Variants in TELO2 observed in about 807,000 individuals in gnomAD.
TELO2 encodes telomere maintenance 2, also known as telomere length regulation protein TEL2 homolog.
TELO2 carries 71 observed loss-of-function variants against 91.0 expected under a neutral mutation model. The observed-to-expected ratio is 0.78, with a 90% CI of 0.64 to 0.95. TELO2 has a LOEUF of 0.95. Among genes scored for constraint, TELO2 ranks in the 40% least tolerant of loss-of-function variants. TELO2 has a pLI of 0.00. For synonymous variants in TELO2, 584 were observed against 518.9 expected, an observed-to-expected ratio of 1.13 and a Z score of -1.71; for missense variants, 1,183 against 1,141.3, an observed-to-expected ratio of 1.04 and a Z score of -0.53.
intron 5 of TELO2, 27 bp from the exon 6 acceptor site, chr16:1,499,204 G>A (rs773172247): frequency 4.3e-6 from 7 of 1,611,750 alleles, no homozygotes; most frequent in South Asian, 3.3e-5. Context: ...CCGGCTTGCA[G>A]CTCTGGCCCC....
intron 15 of TELO2, among the ~76,000 whole-genome samples, chr16:1,504,122 C>A (rs2039799099): frequency 8.8e-6 from 1 of 113,920 alleles, no homozygotes. Context: ...AAGACTCTGT[C>A]TCTTTAAAAA....
At chr16:1,502,866 C>T (rs1396314646) in intron 14 of TELO2, 65 bp from the exon 15 acceptor site, 2 of 1,603,652 alleles carry the variant, frequency 1.2e-6, no homozygotes, top group African/African-American at 1.3e-5. Flanking sequence ...CTGTGAGGTG[C>T]CCGGAGGTCG....
Position 1,495,507 on chromosome 16 carries a change from A to G in TELO2, c.497A>G (p.His166Arg). The G allele has an allele frequency of 6.2e-7, 1 of 1,610,870 alleles. No individual in the cohort carries two copies. The highest frequency in any genetic ancestry group is 1.1e-5 in the South Asian group (1 of 91,074). Reference protein sequence around the residue: ...LLGKVVALPDHLGNRLQQENL... With the variant: ...LLGKVVALPDRLGNRLQQENL... ...GGCAAGGTGGTGGCCCTGCCCGATCACCTGGGCAACCGCCTGCAGCAGGAG... is the reference window on the plus strand; with the variant it reads ...GGCAAGGTGGTGGCCCTGCCCGATCGCCTGGGCAACCGCCTGCAGCAGGAG... Residue 166 changes from histidine (H) to arginine (R), a missense_variant, in exon 3 of 21, where the codon CAC becomes CGC. His to Arg is a conservative substitution (Grantham distance 29). Transcript: ENST00000262319.
intron 15 of TELO2, among the ~76,000 whole-genome samples, chr16:1,504,669 T>G (rs2039824623): frequency 1.4e-5 from 2 of 145,310 alleles, no homozygotes; most frequent in Non-Finnish European, 1.5e-5. Context: ...GCCATTCTCC[T>G]GCCTCAGCCT....
At chr16:1,502,784 C>T in intron 14 of TELO2, 23 bp downstream of exon 14, 3 of 1,608,626 alleles carry the variant, frequency 1.9e-6, no homozygotes, top group Non-Finnish European at 1.7e-6. Flanking sequence ...ACCCGTGGCC[C>T]TGGCCAGTGC....
At chr16:1,501,578 G>A in intron 10 of TELO2, 79 bp downstream of exon 10, 1 of 1,566,204 alleles carries the variant, frequency 6.4e-7, no homozygotes, top group South Asian at 1.2e-5. Flanking sequence ...TGGGAGGGGG[G>A]AAACCCTTTC....
At position 1,493,826 on chromosome 16, in the gene TELO2, ACTGGAGCCACCTCTCACCG is replaced by A. The variant is rs2039384956; in HGVS notation, c.-37+224_-37+242del. ...GTTTCTAAGGGGCGGAGGAATGGCG[ACTGGAGCCACCTCTCACCG>A]CTCAGGGAGCCGGGAGGGCCGGCAG... On this transcript the variant is annotated intron_variant, in intron 1 of 20. Coordinates refer to ENST00000262319, the MANE Select transcript of TELO2 (RefSeq NM_016111.4). This position sits in a 1 kb window ranked among gnomAD's most constrained non-coding sequence, Gnocchi z 4.3. 6.6e-6 allele frequency among the ~76,000 whole-genome samples: 1 copy of A among 152,130 alleles called. No homozygotes were observed. Among genetic ancestry groups the A allele is most frequent in the South Asian group, 2.1e-4 (1 of 4,832 alleles).
chr16:1,510,237 G>A lies in TELO2; in HGVS notation c.*301G>A. On this transcript the variant is annotated 3_prime_UTR_variant, in exon 21 of 21. Coordinates refer to ENST00000262319, the MANE Select transcript of TELO2 (RefSeq NM_016111.4). ...AGGGCAGAACCAGGCTGGCAGGAGG[G>A]GAGGACGGTGTACCTGCTGCTCAGA... 1 of 416,214 alleles carries A rather than the reference G, an allele frequency of 2.4e-6. No individual in the cohort carries two copies. Among genetic ancestry groups the A allele is most frequent in the Non-Finnish European group, 4.5e-6 (1 of 222,492 alleles). 25.8% of individuals were successfully genotyped at this position (416,214 alleles called of 1,614,324 possible).
intron 15 of TELO2, among the ~76,000 whole-genome samples, chr16:1,504,943 G>A (rs539933089): frequency 1.3e-5 from 2 of 152,094 alleles, no homozygotes; most frequent in African/African-American, 2.4e-5. Flanking sequence ...CAGTCGCCCC[G>A]ACCCTCCCAG....
Position 1,493,837 on chromosome 16 carries a change from C to G in TELO2, c.-37+232C>G, listed in dbSNP as rs1198555944. 6.6e-6 allele frequency among the ~76,000 whole-genome samples: 1 copy of G among 152,250 alleles called. No homozygotes were observed. The highest frequency in any genetic ancestry group is 1.5e-5 in the Non-Finnish European group (1 of 68,046). On this transcript the variant is annotated intron_variant, in intron 1 of 20. Transcript: ENST00000262319. The surrounding 1 kb of genome is among the most constrained non-coding windows in gnomAD (Gnocchi z 4.3). ...GCGGAGGAATGGCGACTGGAGCCAC[C>G]TCTCACCGCTCAGGGAGCCGGGAGG...
rs1156868547 is a variant in TELO2 at position 1,506,946 on chromosome 16, C to A, written c.2127-6C>A. ...GCTGCACCTTGGGCTCCATCCTGTGCTCTAGGCCTCTGGTGACCTTCGACC... is the reference window on the plus strand; with the variant it reads ...GCTGCACCTTGGGCTCCATCCTGTGATCTAGGCCTCTGGTGACCTTCGACC... On this transcript the variant is annotated splice_polypyrimidine_tract_variant and splice_region_variant and intron_variant, in intron 17 of 20. Transcript: ENST00000262319. 2 of 1,606,206 alleles carry A rather than the reference C, an allele frequency of 1.2e-6. No individual in the cohort carries two copies. Among genetic ancestry groups the A allele is most frequent in the African/African-American group, 2.7e-5 (2 of 74,794 alleles).
Position 1,507,252 on chromosome 16 carries a change from G to A in TELO2, c.2227-54G>A. 2.5e-6 allele frequency: 4 copies of A among 1,593,176 alleles called. No individual in the cohort carries two copies. The South Asian group carries it at 4.4e-5, about 18-fold the overall frequency. On this transcript the variant is annotated intron_variant, in intron 18 of 20. Coordinates refer to ENST00000262319, the MANE Select transcript of TELO2 (RefSeq NM_016111.4). ...GCAGCGGAAGCCGCCCATGGGTGCT[G>A]GGATGTGGGGACGGCGTCGGGACCC...
At chr16:1,499,715 C>T (rs1435161437) in intron 6 of TELO2, among the ~76,000 whole-genome samples, 2 of 152,160 alleles carry the variant, frequency 1.3e-5, no homozygotes, top group African/African-American at 4.8e-5. Context: ...TGAGCCAGGT[C>T]CCCTGAGCCC....
chr16:1,494,236 C>T lies in TELO2; in HGVS notation c.-36-10C>T, dbSNP rs2039398606. Reference sequence around the variant, plus strand: ...CGTGCCCCAAGCTGAGCCCTGTGTCCATGTCACAGGTCGTCTTCCCGTGAC... The same window carrying T: ...CGTGCCCCAAGCTGAGCCCTGTGTCTATGTCACAGGTCGTCTTCCCGTGAC... On this transcript the variant is annotated splice_polypyrimidine_tract_variant and intron_variant, in intron 1 of 20. Coordinates refer to ENST00000262319, the MANE Select transcript of TELO2 (RefSeq NM_016111.4). This position sits in a 1 kb window ranked among gnomAD's most constrained non-coding sequence, Gnocchi z 5.6. 6.4e-7 allele frequency: 1 copy of T among 1,551,330 alleles called. No individual in the cohort carries two copies. The highest frequency in any genetic ancestry group is 8.8e-7 in the Non-Finnish European group (1 of 1,132,292).
At chr16:1,496,400 T>A (rs572616389) in intron 3 of TELO2, among the ~76,000 whole-genome samples, 1 of 152,300 alleles carries the variant, frequency 6.6e-6, no homozygotes, top group South Asian at 2.1e-4. Flanking sequence ...GCCCCTCCTG[T>A]CTTTTCCGAA....
intron 20 of TELO2, among the ~76,000 whole-genome samples, chr16:1,508,968 C>T (rs1290184013): frequency 1.3e-5 from 2 of 151,808 alleles, no homozygotes; most frequent in East Asian, 3.9e-4. Context: ...ACACCAGACC[C>T]TTGGAGCTGC....
Position 1,495,411 on chromosome 16 carries a change from C to T in TELO2, c.401C>T (p.Ala134Val). 2 of 1,591,398 alleles carry T rather than the reference C, an allele frequency of 1.3e-6. No individual in the cohort carries two copies. Among genetic ancestry groups the T allele is most frequent in the Non-Finnish European group, 8.5e-7 (1 of 1,169,940 alleles). ...LARFLREGRL[A>V]VLMEAQCRQQ... is the part of the protein sequence containing the mutation. ...AGATTCCTGCGCGAGGGCCGGCTGG[C>T]AGTGCTGATGGAGGCGCAGTGTCGG... Residue 134 changes from alanine to valine, a missense_variant, in exon 3 of 21, where the codon GCA becomes GTA. Ala to Val is a moderately conservative substitution (Grantham distance 64). Transcript: ENST00000262319.
chr16:1,500,921 C>T (rs1490102874), intron 9 of TELO2, among the ~76,000 whole-genome samples: 2 of 152,222 alleles, frequency 1.3e-5, no homozygotes, highest in Non-Finnish European at 2.9e-5. Context: ...AGAAGGATTG[C>T]CTGGACACGT....
Position 1,497,483 on chromosome 16 carries a change from A to G in TELO2, c.805A>G (p.Thr269Ala), listed in dbSNP as rs780212089. ...GGACCGGGCCATGGAGGCTGTGCTG[A>G]CCGGGCTGGTGGAGGCCGCACTGGG... is the stretch of plus-strand genomic sequence containing the variant. ...VPDRAMEAVLTGLVEAALGPE... is the reference protein window; with the variant it reads ...VPDRAMEAVLAGLVEAALGPE... Residue 269 changes from threonine (T) to alanine (A), a missense_variant, in exon 5 of 21, where the codon ACC becomes GCC. Transcript: ENST00000262319. The surrounding 1 kb of genome is among the most constrained non-coding windows in gnomAD (Gnocchi z 4.0). 6.4e-7 allele frequency: 1 copy of G among 1,573,508 alleles called. No homozygotes were observed. Among genetic ancestry groups the G allele is most frequent in the East Asian group, 2.4e-5 (1 of 42,486 alleles).
Sources: gnomAD v4.1 joint callset for allele counts (sites outside exome capture counted in the v4.1 genomes callset) on GRCh38, gnomAD v4.1.1 for gene constraint, Gnocchi (gnomAD v3.1) non-coding constraint, MANE v1.5 for transcripts, NCBI Gene and HGNC (gene_info 2026-07-23, HGNC 2026-07-21) for gene names.